PSMC6: variants seen among roughly 807,000 people sequenced by gnomAD.
The protein encoded by PSMC6 is proteasome 26S subunit, ATPase 6, also known as 26S proteasome regulatory subunit 10B.
PSMC6 carries 3 observed loss-of-function variants against 55.9 expected under a neutral mutation model. The observed-to-expected ratio is 0.05, with a 90% confidence interval of 0.02 to 0.14. PSMC6 has a LOEUF of 0.14. Among genes scored for constraint, PSMC6 ranks in the 10% least tolerant of loss-of-function variants. The probability of loss-of-function intolerance (pLI) is 1.00; values close to 1 mark genes in which losing one functional copy is unlikely to be tolerated. For missense variants in PSMC6, 210 were observed against 478.7 expected, an observed-to-expected ratio of 0.44 and a Z score of 5.24; for synonymous variants, 137 against 155.9, an observed-to-expected ratio of 0.88 and a Z score of 0.90.
intron 12 of PSMC6, 29 bp from the exon 13 acceptor site, chr14:52,723,936 A>T: frequency 6.2e-7 from 1 of 1,606,528 alleles, no homozygotes; most frequent in Non-Finnish European, 8.5e-7. Flanking sequence ...TAATTTTTAA[A>T]ACTAATTTCC....
intron 1 of PSMC6, 24 bp from the exon 2 acceptor site, chr14:52,708,285 A>T (rs1360959403): frequency 6.4e-7 from 1 of 1,571,932 alleles, no homozygotes; most frequent in East Asian, 2.2e-5. Flanking sequence ...TTCAATTAAA[A>T]ATGTTCAAAT....
At chr14:52,726,830 C>G (rs1402552582) in intron 13 of PSMC6, among the ~76,000 whole-genome samples, 2 of 151,652 alleles carry the variant, frequency 1.3e-5, no homozygotes, top group African/African-American at 4.8e-5. Flanking sequence ...TTAGTAGAAA[C>G]GGGGTTTTAC....
chr14:52,716,132 G>T (rs892007248), intron 7 of PSMC6, among the ~76,000 whole-genome samples: 2 of 152,150 alleles, frequency 1.3e-5, no homozygotes, highest in Non-Finnish European at 2.9e-5. Context: ...GTATTTTAAT[G>T]TAACAGAAGT....
chr14:52,722,527 G>A (rs1321939758), intron 12 of PSMC6: 2 of 152,180 alleles, frequency 1.3e-5, no homozygotes, highest in Non-Finnish European at 2.9e-5. Flanking sequence ...TATGATGACA[G>A]GTTCTTAGAT....
chr14:52,717,725 T>G (rs554149569), intron 7 of PSMC6, among the ~76,000 whole-genome samples: 3 of 152,196 alleles, frequency 2.0e-5, no homozygotes, highest in African/African-American at 4.8e-5. Context: ...TTTAAAAATT[T>G]GTTTCACATA....
At chr14:52,723,747 C>T in intron 12 of PSMC6, 1 of 1,100,586 alleles carries the variant, frequency 9.1e-7, no homozygotes. Flanking sequence ...GTGATATTTC[C>T]TGTTTTTAAA....
intron 10 of PSMC6, among the ~76,000 whole-genome samples, chr14:52,720,458 G>A (rs1008023804): frequency 3.6e-5 from 5 of 138,720 alleles, no homozygotes; most frequent in African/African-American, 1.3e-4. Context: ...TAATATAAAT[G>A]TTATGTCTGA....
At chr14:52,719,133 T>A in intron 10 of PSMC6, 95 bp downstream of exon 10, 2 of 1,066,042 alleles carry the variant, frequency 1.9e-6, no homozygotes, top group Non-Finnish European at 1.4e-6. Flanking sequence ...TATAGAACAT[T>A]TTAAATGAAA....
At chr14:52,715,338 T>G (rs1167047545) in intron 7 of PSMC6, among the ~76,000 whole-genome samples, 1 of 152,264 alleles carries the variant, frequency 6.6e-6, no homozygotes, top group African/African-American at 2.4e-5. Flanking sequence ...CTGAATTCAT[T>G]GCTTTTTATG....
intron 7 of PSMC6, among the ~76,000 whole-genome samples, chr14:52,715,568 C>T (rs1464247010): frequency 6.6e-6 from 1 of 151,542 alleles, no homozygotes; most frequent in Non-Finnish European, 1.5e-5. Flanking sequence ...TTTTTAGAAA[C>T]ATATATCTGG....
At chr14:52,727,141 C>T (rs1490062598) in intron 13 of PSMC6, among the ~76,000 whole-genome samples, 1 of 151,320 alleles carries the variant, frequency 6.6e-6, no homozygotes, top group Non-Finnish European at 1.5e-5. Flanking sequence ...CTGCCTTAGC[C>T]TCCCGAGTAG....
In PSMC6 at chr14:52,711,118, G is replaced by A. The variant is rs1594847748; in HGVS notation, c.276G>A (p.Leu92=). 1 of 1,596,872 alleles carries A rather than the reference G, an allele frequency of 6.3e-7. No individual in the cohort carries two copies. Among genetic ancestry groups the A allele is most frequent in the East Asian group, 2.3e-5 (1 of 44,068 alleles). The change falls in exon 5 of 14, where the codon CTG becomes CTA. Residue 92 remains leucine (L), a synonymous_variant. Coordinates refer to ENST00000445930, the MANE Select transcript of PSMC6 (RefSeq NM_002806.5). ...GCRRQLDKSK[L]KPGTRVALDM... is the part of the protein sequence containing the mutation. Reference sequence around the variant, plus strand: ...AAAACTAGCTTGACAAAAGTAAGCTGAAGCCAGGAACAAGAGTTGCTTTGG... The same window carrying A: ...AAAACTAGCTTGACAAAAGTAAGCTAAAGCCAGGAACAAGAGTTGCTTTGG...
chr14:52,717,120 A>T (rs1042823303), intron 7 of PSMC6, among the ~76,000 whole-genome samples: 2 of 152,194 alleles, frequency 1.3e-5, no homozygotes, highest in East Asian at 1.9e-4. Context: ...AAAATTGCTA[A>T]AAGTAGATTT....
rs749147034 is a variant in PSMC6 at position 52,727,590 on chromosome 14, G to A, written c.1143G>A (p.Glu381=). 30 of 1,611,146 alleles carry A rather than the reference G, an allele frequency of 1.9e-5. No homozygotes were observed. Among genetic ancestry groups the A allele is most frequent in the South Asian group, 6.6e-5 (6 of 90,976 alleles). ...AAGTGGCTGATTCTAAGAAGCTGGA[G>A]TCTAAATTGGACTACAAACCTGTGT... ...VRKVADSKKL[E]SKLDYKPV The change falls in exon 14 of 14, where the codon GAG becomes GAA. Residue 381 remains glutamate (E), a synonymous_variant. Coordinates refer to ENST00000445930, the MANE Select transcript of PSMC6 (RefSeq NM_002806.5).
intron 12 of PSMC6, chr14:52,721,489 C>A: frequency 4.6e-6 from 1 of 216,662 alleles, no homozygotes; most frequent in East Asian, 1.1e-4. Flanking sequence ...ATGATAAGTG[C>A]TATGGAGAAA....
intron 10 of PSMC6, among the ~76,000 whole-genome samples, chr14:52,720,208 C>T (rs1172679214): frequency 1.4e-4 from 16 of 111,722 alleles, no homozygotes; most frequent in Admixed American, 3.6e-4. Flanking sequence ...GGTGACAGAG[C>T]GAGAGTCTGT....
At chr14:52,715,271 A>T (rs1367557525) in intron 7 of PSMC6, among the ~76,000 whole-genome samples, 1 of 152,252 alleles carries the variant, frequency 6.6e-6, no homozygotes, top group Non-Finnish European at 1.5e-5. Context: ...ACTGCTGCAT[A>T]TTGAATAAGA....
chr14:52,719,484 A>G (rs2041865659), intron 10 of PSMC6, among the ~76,000 whole-genome samples: 1 of 152,218 alleles, frequency 6.6e-6, no homozygotes, highest in Admixed American at 6.5e-5. Context: ...AAGAGGATAG[A>G]TGACAGAATG....
intron 13 of PSMC6, among the ~76,000 whole-genome samples, chr14:52,724,724 T>A (rs1880333966): frequency 6.6e-6 from 1 of 152,254 alleles, no homozygotes; most frequent in Admixed American, 6.5e-5. Context: ...GCTATTTTTA[T>A]TTCCAGTACC....
Sources: allele counts gnomAD v4.1 joint callset (sites outside exome capture counted in the v4.1 genomes callset), GRCh38; gene constraint gnomAD v4.1.1; transcripts MANE v1.5; gene names NCBI Gene and HGNC (gene_info 2026-07-23, HGNC 2026-07-21).